UNC13C: variants seen among roughly 807,000 people sequenced by gnomAD.
UNC13C encodes unc-13 homolog C, also known as protein unc-13 homolog C.
In UNC13C, 174 loss-of-function variants were observed where a neutral mutation model predicts 245.4. That is an observed-to-expected ratio of 0.71 (90% CI 0.63 to 0.80). The LOEUF is 0.80. Among genes scored for constraint, UNC13C ranks in the 30% least tolerant of loss-of-function variants. UNC13C has a pLI of 0.00. For synonymous variants in UNC13C, 992 were observed against 895.1 expected, an observed-to-expected ratio of 1.11 and a Z score of -1.93; for missense variants, 2,829 against 2,602.9, an observed-to-expected ratio of 1.09 and a Z score of -1.89.
intron 4 of UNC13C, among the ~76,000 whole-genome samples, chr15:54,170,594 T>C (rs2033360612): frequency 6.6e-6 from 1 of 152,150 alleles, no homozygotes; most frequent in African/African-American, 2.4e-5. Context: ...CTTATTTTTC[T>C]GAGGAAGAGA....
chr15:54,354,976 G>A (rs551757648), intron 17 of UNC13C, among the ~76,000 whole-genome samples: 2 of 152,116 alleles, frequency 1.3e-5, no homozygotes, highest in East Asian at 3.9e-4. Context: ...TGTGTTAGTG[G>A]GCGATCATAG....
chr15:53,951,398 C>T, the UNC13C span, among the ~76,000 whole-genome samples: 3 of 152,222 alleles, frequency 2.0e-5, no homozygotes, highest in Admixed American at 6.5e-5. Context: ...GGGCTGCCCA[C>T]TATGTGGGCT....
At chr15:54,469,579 C>T (rs1892352248) in intron 19 of UNC13C, among the ~76,000 whole-genome samples, 2 of 151,666 alleles carry the variant, frequency 1.3e-5, no homozygotes, top group African/African-American at 4.8e-5. Context: ...CATATCCTTT[C>T]ATATACATAA....
the UNC13C span, among the ~76,000 whole-genome samples, chr15:53,860,312 A>G: frequency 6.6e-6 from 1 of 152,194 alleles, no homozygotes; most frequent in African/African-American, 2.4e-5. Flanking sequence ...ATGACCTAAA[A>G]TGTTAAAAAT....
At chr15:54,040,941 C>G (rs1308379936) in intron 2 of UNC13C, among the ~76,000 whole-genome samples, 3 of 152,202 alleles carry the variant, frequency 2.0e-5, no homozygotes, top group South Asian at 2.1e-4. Flanking sequence ...CATGCACCAA[C>G]CCAGCATACC....
chr15:54,144,997 G>T (rs925535163), intron 4 of UNC13C, among the ~76,000 whole-genome samples: 3 of 151,560 alleles, frequency 2.0e-5, no homozygotes, highest in African/African-American at 7.3e-5. Flanking sequence ...TTGCCATATT[G>T]TTCAGGCTGG....
At chr15:54,266,810 T>G (rs2036559931) in intron 10 of UNC13C, among the ~76,000 whole-genome samples, 1 of 152,068 alleles carries the variant, frequency 6.6e-6, no homozygotes, top group Non-Finnish European at 1.5e-5. Flanking sequence ...CCTTCTGACT[T>G]CCCGTGTGCA....
intron 19 of UNC13C, among the ~76,000 whole-genome samples, chr15:54,473,859 G>C (rs1182234538): frequency 6.6e-6 from 1 of 151,432 alleles, no homozygotes; most frequent in Non-Finnish European, 1.5e-5. Context: ...CCATTAACCA[G>C]TTTCTCATCA....
intron 1 of UNC13C, among the ~76,000 whole-genome samples, chr15:54,006,277 T>C (rs769822234): frequency 8.5e-5 from 13 of 152,208 alleles, no homozygotes; most frequent in Non-Finnish European, 1.9e-4. Flanking sequence ...TGGGTTGTAG[T>C]TGGGTGAAGA....
Position 54,473,255 on chromosome 15 carries a change from A to T in UNC13C, c.4934-21353A>T, listed in dbSNP as rs139388101. ...TGATACATAATAATTATACATATGT[A>T]TGGGACATATGATATTTTGATACAT... On this transcript the variant is annotated intron_variant, in intron 19 of 32. Transcript: ENST00000260323. 3.5e-3 allele frequency among the ~76,000 whole-genome samples: 533 copies of T among 151,864 alleles called. 3 individuals are homozygous for T. The highest frequency in any genetic ancestry group is 0.012 in the African/African-American group (518 of 41,466).
intron 7 of UNC13C, among the ~76,000 whole-genome samples, chr15:54,244,105 T>C (rs1024993607): frequency 1.3e-5 from 2 of 152,138 alleles, no homozygotes; most frequent in African/African-American, 4.8e-5. Context: ...GTGTTTATAG[T>C]TTTGGGGTTT....
the UNC13C span, chr15:53,912,498 T>A: frequency 1.3e-5 from 2 of 152,228 alleles, no homozygotes; most frequent in South Asian, 4.1e-4. Flanking sequence ...TTGACAGTTA[T>A]GGGGGCCAAT....
At chr15:53,868,315 C>G in the UNC13C span, among the ~76,000 whole-genome samples, 7 of 152,142 alleles carry the variant, frequency 4.6e-5, no homozygotes, top group Admixed American at 2.0e-4. Flanking sequence ...TGGACTGATC[C>G]GCACAAAACC....
chr15:53,868,173 C>A, the UNC13C span, among the ~76,000 whole-genome samples: 1 of 152,082 alleles, frequency 6.6e-6, no homozygotes. Flanking sequence ...TGGGAAATGG[C>A]CAGGGAGCTG....
intron 4 of UNC13C, among the ~76,000 whole-genome samples, chr15:54,161,640 T>C (rs1340888741): frequency 6.6e-6 from 1 of 152,134 alleles, no homozygotes; most frequent in Non-Finnish European, 1.5e-5. Context: ...AAGCCTTTTG[T>C]CAGTTATCAT....
rs1198174316 is a variant in UNC13C, at chr15:54,117,584, GCT to G, written c.2984-25425_2984-25424del. On this transcript the variant is annotated intron_variant, in intron 2 of 32. Coordinates refer to ENST00000260323, the MANE Select transcript of UNC13C (RefSeq NM_001080534.3). ...CTCTCTCTCATTTTCTCTATCTCTA[GCT>G]CTCTCTCTATTTACAGACAGGGTCT... Among the ~76,000 whole-genome samples the G allele has an allele frequency of 1.2e-4, 5 of 41,278 alleles. No individual in the cohort carries two copies. The East Asian group carries it at 3.0e-3, about 25-fold the overall frequency. 27.1% of individuals were successfully genotyped at this position (41,278 alleles called of 152,430 possible).
intron 2 of UNC13C, among the ~76,000 whole-genome samples, chr15:54,042,935 C>T (rs1004901954): frequency 8.6e-5 from 13 of 152,030 alleles, no homozygotes; most frequent in South Asian, 8.3e-4. Context: ...TACGAAAGTA[C>T]GACAAAATGA....
chr15:54,030,034 G>C (rs963610795), intron 2 of UNC13C, among the ~76,000 whole-genome samples: 1 of 152,150 alleles, frequency 6.6e-6, no homozygotes, highest in Non-Finnish European at 1.5e-5. Context: ...CCCAAGTCTG[G>C]AGGTCTTAGC....
At chr15:53,911,892 C>G in the UNC13C span, 1 of 152,264 alleles carries the variant, frequency 6.6e-6, no homozygotes, top group African/African-American at 2.4e-5. Flanking sequence ...TGCTTTGGCC[C>G]TCTAGCTGCT....
Sources: gnomAD v4.1 joint callset for allele counts (sites outside exome capture counted in the v4.1 genomes callset) on GRCh38, gnomAD v4.1.1 for gene constraint, MANE v1.5 for transcripts, NCBI Gene and HGNC (gene_info 2026-07-23, HGNC 2026-07-21) for gene names.